NRG3: variants seen among roughly 807,000 people sequenced by gnomAD.
The protein encoded by NRG3 is pro-neuregulin-3, membrane-bound isoform.
In NRG3, 31 loss-of-function variants were observed where a neutral mutation model predicts 66.9. The ratio of observed to expected loss-of-function variants is 0.46; its 90% CI spans 0.35 to 0.63. NRG3 has a LOEUF of 0.63. NRG3 is among the 20% of genes least tolerant of loss of function. NRG3 has a pLI of 0.00. For missense variants in NRG3, 910 were observed against 878.9 expected (o/e 1.04, Z -0.45); for synonymous variants, 393 against 359.4 (o/e 1.09, Z -1.06).
intron 1 of NRG3, among the ~76,000 whole-genome samples, chr10:82,246,522 C>T (rs1366309392): frequency 3.9e-5 from 6 of 152,196 alleles, no homozygotes; most frequent in African/African-American, 1.4e-4. Flanking sequence ...GGCACCTACT[C>T]TTTTGGCAAA....
intron 1 of NRG3, among the ~76,000 whole-genome samples, chr10:82,076,899 T>C (rs971407135): frequency 6.6e-6 from 1 of 152,226 alleles, no homozygotes; most frequent in Non-Finnish European, 1.5e-5. Context: ...TATACCTGCA[T>C]TGAGTTGCCT....
intron 1 of NRG3, among the ~76,000 whole-genome samples, chr10:82,192,332 C>T (rs1274204207): frequency 2.0e-5 from 3 of 152,194 alleles, no homozygotes; most frequent in African/African-American, 7.2e-5. Context: ...TTCAGTGGCA[C>T]TTCACATTTA....
At chr10:81,988,457 GTTA>G (rs1334183269) in intron 1 of NRG3, among the ~76,000 whole-genome samples, 3 of 152,122 alleles carry the variant, frequency 2.0e-5, no homozygotes, top group African/African-American at 7.2e-5. Context: ...CATGGTTATT[GTTA>G]TTATTATTGC....
intron 1 of NRG3, among the ~76,000 whole-genome samples, chr10:82,089,947 A>C (rs1430263824): frequency 6.6e-6 from 1 of 152,172 alleles, no homozygotes; most frequent in East Asian, 1.9e-4. Context: ...TAGGCAAGTC[A>C]GTTCCCTGCC....
chr10:82,471,076 G>A (rs1841207351), intron 2 of NRG3, among the ~76,000 whole-genome samples: 1 of 152,114 alleles, frequency 6.6e-6, no homozygotes, highest in Admixed American at 6.5e-5. Context: ...CCTTAGTTCA[G>A]CTAAAAACGG....
chr10:82,781,717 T>C (rs2060124111), intron 3 of NRG3, among the ~76,000 whole-genome samples: 1 of 152,094 alleles, frequency 6.6e-6, no homozygotes. Context: ...ATGAGGTAAC[T>C]TTCTCCATAT....
intron 3 of NRG3, among the ~76,000 whole-genome samples, chr10:82,803,483 AT>A (rs1250139021): frequency 6.6e-6 from 1 of 152,236 alleles, no homozygotes; most frequent in African/African-American, 2.4e-5. Context: ...ATTTAAAAAA[AT>A]GTTAGTTCAA....
chr10:82,050,798 T>TACTCTCTGTCTCTCCAGCCGTGCCTCC (rs2063555965), intron 1 of NRG3, among the ~76,000 whole-genome samples: 3 of 148,992 alleles, frequency 2.0e-5, no homozygotes, highest in Non-Finnish European at 4.5e-5. Flanking sequence ...AGACTCCTCC[T>TACTCTCTGTCTCTCCAGCCGTGCCTCC]ACTCTCTGTC....
intron 4 of NRG3, among the ~76,000 whole-genome samples, chr10:82,869,563 T>TA (rs1235351661): frequency 2.1e-5 from 3 of 146,028 alleles, no homozygotes; most frequent in African/African-American, 7.5e-5. Flanking sequence ...CACTGGTCTT[T>TA]TTTATTTATT....
chr10:82,843,272 C>T (rs1045648909), intron 3 of NRG3: 3 of 453,504 alleles, frequency 6.6e-6, no homozygotes, highest in Non-Finnish European at 1.3e-5. Context: ...AGGGTTACAC[C>T]CACCTTATGG....
At position 82,643,888 on chromosome 10, in the gene NRG3, A is replaced by G. The variant is rs1012951961; in HGVS notation, c.954-94689A>G. Among the ~76,000 whole-genome samples the G allele has an allele frequency of 1.9e-3, 56 of 29,098 alleles. 1 individual carries two copies. The highest frequency in any genetic ancestry group is 0.022 in the Middle Eastern group (1 of 46). The allele number at this position is 29,098 out of a possible 152,430, so 19.1% of individuals were successfully genotyped here. A position where few individuals can be genotyped will look rare whatever the true frequency, so the allele number is the denominator to read the frequency against. On this transcript the variant is annotated intron_variant, in intron 2 of 8. Coordinates refer to ENST00000372141, the MANE Select transcript of NRG3 (RefSeq NM_001010848.4). ...TTCTCTGTCTCTGACACACACGCGC[A>G]CACACACACACACACCCACACACAC...
At chr10:82,515,882 T>G (rs1197606675) in intron 2 of NRG3, among the ~76,000 whole-genome samples, 2 of 152,158 alleles carry the variant, frequency 1.3e-5, no homozygotes, top group East Asian at 3.9e-4. Flanking sequence ...GTGTATGTTT[T>G]TTAATCCTCT....
intron 3 of NRG3, among the ~76,000 whole-genome samples, chr10:82,856,756 C>A (rs77823181): frequency 0.26 from 27,012 of 105,716 alleles, 1,156 homozygotes; most frequent in Non-Finnish European, 0.29. Flanking sequence ...AAAAAAAAAA[C>A]AAAAAAAAAA....
intron 1 of NRG3, among the ~76,000 whole-genome samples, chr10:82,121,473 A>T (rs191139190): frequency 1.3e-5 from 2 of 152,252 alleles, no homozygotes; most frequent in Non-Finnish European, 2.9e-5. Context: ...CAGAGTAGAC[A>T]GTAATGAGGG....
At chr10:82,602,291 A>C (rs2047685625) in intron 2 of NRG3, among the ~76,000 whole-genome samples, 1 of 152,066 alleles carries the variant, frequency 6.6e-6, no homozygotes, top group African/African-American at 2.4e-5. Context: ...CATTCTTGAT[A>C]TCATGTTCTG....
chr10:81,946,424 G>A (rs1848846245), intron 1 of NRG3, among the ~76,000 whole-genome samples: 1 of 152,084 alleles, frequency 6.6e-6, no homozygotes, highest in Non-Finnish European at 1.5e-5. Flanking sequence ...ATAGATGGTG[G>A]TTTTATTAAG....
intron 4 of NRG3, among the ~76,000 whole-genome samples, chr10:82,946,344 G>C (rs188786214): frequency 6.6e-6 from 1 of 151,924 alleles, no homozygotes; most frequent in African/African-American, 2.4e-5. Context: ...ATCGAGACTA[G>C]CCTGGCCAAG....
At chr10:82,870,085 G>GTC (rs1841186879) in intron 4 of NRG3, among the ~76,000 whole-genome samples, 1 of 146,382 alleles carries the variant, frequency 6.8e-6, no homozygotes, top group Non-Finnish European at 1.5e-5. Context: ...AGCCAGGATG[G>GTC]TCTCGATCTC....
rs530604148 is a variant in NRG3, at chr10:82,693,028, T to C, written c.954-45549T>C. 1.4e-4 allele frequency among the ~76,000 whole-genome samples: 21 copies of C among 152,266 alleles called. 1 individual carries two copies. The highest frequency in any genetic ancestry group is 4.1e-4 in the African/African-American group (17 of 41,558). ...TTTGCTGCGCTACTCGATGTCACTA[T>C]AGAAGATGTTGCTCTACCCCAGGTT... On this transcript the variant is annotated intron_variant, in intron 2 of 8. Coordinates refer to ENST00000372141, the MANE Select transcript of NRG3 (RefSeq NM_001010848.4).
Sources: gnomAD v4.1 joint callset for allele counts (sites outside exome capture counted in the v4.1 genomes callset) on GRCh38, gnomAD v4.1.1 for gene constraint, MANE v1.5 for transcripts, NCBI Gene and HGNC (gene_info 2026-07-23, HGNC 2026-07-21) for gene names.